Variants in TFEC observed in about 807,000 individuals in gnomAD.
TFEC encodes the protein transcription factor EC.
A neutral mutation model predicts 41.6 loss-of-function variants in TFEC; 31 were observed. The observed-to-expected ratio is 0.74, with a 90% CI of 0.56 to 1.01. The LOEUF (loss-of-function observed/expected upper bound fraction) is 1.01, where lower values mean the gene tolerates loss of function less well. Among genes scored for constraint, TFEC ranks in the 50% least tolerant of loss-of-function variants. The pLI is 0.00. For synonymous variants in TFEC, 143 were observed against 140.6 expected (o/e 1.02, Z -0.12); for missense variants, 402 against 404.1 (o/e 0.99, Z 0.04).
At chr7:116,158,907 TTTC>T (rs776768104) in intron 1 of TFEC, among the ~76,000 whole-genome samples, 8 of 152,168 alleles carry the variant, frequency 5.3e-5, no homozygotes, top group East Asian at 1.9e-4. Flanking sequence ...TGTACAAAGA[TTTC>T]TTCATTTTTG....
At position 116,022,994 on chromosome 7, in the gene TFEC, A is replaced by C. The variant is rs1795456244; in HGVS notation, c.-73+7639T>G. On this transcript the variant is annotated intron_variant, in intron 1 of 7. Transcript: ENST00000265440. Reference sequence around the variant, plus strand: ...TTATGGCAGAGCTGGTTTTAAAATTAAAATGTAACCAGCTTGCTTTAAAAT... The same window carrying C: ...TTATGGCAGAGCTGGTTTTAAAATTCAAATGTAACCAGCTTGCTTTAAAAT... Among the ~76,000 whole-genome samples, 10 of 152,300 alleles carry C rather than the reference A, an allele frequency of 6.6e-5. No individual in the cohort carries two copies. The South Asian group carries it at 2.1e-3, about 32-fold the overall frequency.
At chr7:116,037,953 A>C (rs1266083834) in intron 3 of TFEC, among the ~76,000 whole-genome samples, 1 of 152,060 alleles carries the variant, frequency 6.6e-6, no homozygotes, top group Non-Finnish European at 1.5e-5. Flanking sequence ...TCACTGCTAA[A>C]ACGCATTTCA....
intron 2 of TFEC, among the ~76,000 whole-genome samples, chr7:115,977,548 T>C (rs1562905984): frequency 6.6e-6 from 1 of 151,886 alleles, no homozygotes; most frequent in East Asian, 1.9e-4. Context: ...TTTTTGGATA[T>C]AAAAACTCAG....
intron 3 of TFEC, among the ~76,000 whole-genome samples, chr7:116,101,109 C>A (rs1476470428): frequency 1.3e-5 from 2 of 151,900 alleles, no homozygotes; most frequent in Non-Finnish European, 2.9e-5. Flanking sequence ...AACTTCAATT[C>A]ACATTTGAAA....
intron 1 of TFEC, among the ~76,000 whole-genome samples, chr7:115,989,567 G>A (rs1452067367): frequency 6.6e-6 from 1 of 152,204 alleles, no homozygotes; most frequent in East Asian, 1.9e-4. Flanking sequence ...TTTTCCAGAG[G>A]AGATTATATC....
chr7:115,953,184 C>T (rs1477825968), intron 5 of TFEC, among the ~76,000 whole-genome samples: 1 of 151,984 alleles, frequency 6.6e-6, no homozygotes, highest in African/African-American at 2.4e-5. Context: ...CAGTGGGGGG[C>T]TGCAAGCTGA....
intron 3 of TFEC, among the ~76,000 whole-genome samples, chr7:116,080,103 C>T (rs770662054): frequency 4.0e-5 from 6 of 151,824 alleles, no homozygotes; most frequent in African/African-American, 9.7e-5. Context: ...TTCAACAAAC[C>T]GTGCTGGGAT....
At chr7:116,145,356 T>C (rs1798621468) in intron 1 of TFEC, among the ~76,000 whole-genome samples, 1 of 152,134 alleles carries the variant, frequency 6.6e-6, no homozygotes, top group Non-Finnish European at 1.5e-5. Flanking sequence ...TGCTGTCCCA[T>C]GTGAAGTAGC....
intron 3 of TFEC, among the ~76,000 whole-genome samples, chr7:116,071,100 G>T (rs1796816998): frequency 6.6e-6 from 1 of 151,196 alleles, no homozygotes; most frequent in Non-Finnish European, 1.5e-5. Flanking sequence ...TTTGGTTATT[G>T]TATAAGAAAA....
intron 1 of TFEC, among the ~76,000 whole-genome samples, chr7:116,153,781 A>G (rs1273605906): frequency 1.3e-5 from 2 of 152,238 alleles, no homozygotes; most frequent in African/African-American, 4.8e-5. Flanking sequence ...CATAAAAAAA[A>G]GATTAGGAAA....
rs1056817081 is a variant in TFEC at position 115,973,673 on chromosome 7, C to T, written c.267+497G>A. Among the ~76,000 whole-genome samples the T allele has an allele frequency of 5.9e-5, 9 of 152,020 alleles. 1 individual carries two copies. The highest frequency in any genetic ancestry group is 1.9e-4 in the African/African-American group (8 of 41,526). On this transcript the variant is annotated intron_variant, in intron 3 of 7. Coordinates refer to ENST00000265440, the MANE Select transcript of TFEC (RefSeq NM_012252.4). ...CTACATACTTTAAAGGAGGGTGAGGCCTGTTCTATCTTTTTCGATTTGACT... is the reference window on the plus strand; with the variant it reads ...CTACATACTTTAAAGGAGGGTGAGGTCTGTTCTATCTTTTTCGATTTGACT...
chr7:116,075,792 G>A (rs1796945465), intron 3 of TFEC, among the ~76,000 whole-genome samples: 1 of 152,030 alleles, frequency 6.6e-6, no homozygotes, highest in African/African-American at 2.4e-5. Context: ...TTCTCTACCT[G>A]CCCTGGTAGC....
intron 3 of TFEC, 134 bp downstream of exon 3, chr7:115,974,035 AT>A (rs1793255451): frequency 7.8e-6 from 5 of 637,480 alleles, no homozygotes; most frequent in African/African-American, 1.9e-5. Context: ...ACCAATAAAT[AT>A]TTTCTAGTAT....
chr7:116,147,472 G>A (rs1798666941), intron 1 of TFEC, among the ~76,000 whole-genome samples: 1 of 152,070 alleles, frequency 6.6e-6, no homozygotes, highest in Non-Finnish European at 1.5e-5. Flanking sequence ...TATTACATAT[G>A]TATACATATG....
chr7:115,944,013 ATTTTTTT>A (rs1160114562), intron 6 of TFEC, among the ~76,000 whole-genome samples: 34 of 22,842 alleles, frequency 1.5e-3, no homozygotes, highest in South Asian at 3.4e-3. Context: ...ACAGGTCTGA[ATTTTTTT>A]TTTTTTTTTT....
At chr7:116,107,081 C>T (rs1397259251) in intron 3 of TFEC, among the ~76,000 whole-genome samples, 1 of 152,148 alleles carries the variant, frequency 6.6e-6, no homozygotes, top group East Asian at 1.9e-4. Flanking sequence ...AGCTCTCCAT[C>T]CTACAGATGC....
At chr7:116,020,781 T>TAAAATAAAAAA (rs1795368357) in intron 1 of TFEC, among the ~76,000 whole-genome samples, 1 of 152,114 alleles carries the variant, frequency 6.6e-6, no homozygotes, top group African/African-American at 2.4e-5. Flanking sequence ...TTTTTTTTTT[T>TAAAATAAAAAA]AAGTACAGGA....
intron 3 of TFEC, among the ~76,000 whole-genome samples, chr7:116,060,053 A>C (rs1033328750): frequency 2.0e-5 from 3 of 152,080 alleles, no homozygotes; most frequent in African/African-American, 7.2e-5. Flanking sequence ...ATGAGTGTCT[A>C]TGTAAAAAAA....
chr7:116,029,148 A>G (rs1795694743), intron 1 of TFEC, among the ~76,000 whole-genome samples: 1 of 152,104 alleles, frequency 6.6e-6, no homozygotes, highest in South Asian at 2.1e-4. Context: ...GAACTATTCT[A>G]CTGTTTTGGA....
Sources: allele counts gnomAD v4.1 joint callset (sites outside exome capture counted in the v4.1 genomes callset), GRCh38; gene constraint gnomAD v4.1.1; transcripts MANE v1.5; gene names NCBI Gene and HGNC (gene_info 2026-07-23, HGNC 2026-07-21).